Variants in FCHSD2 observed in about 807,000 individuals in gnomAD.
The protein encoded by FCHSD2 is F-BAR and double SH3 domains protein 2.
A neutral mutation model predicts 108.1 loss-of-function variants in FCHSD2; 38 were observed. That is an observed-to-expected ratio of 0.35 (90% CI 0.27 to 0.46). The LOEUF (loss-of-function observed/expected upper bound fraction) is 0.46. FCHSD2 is among the 20% of genes least tolerant of loss of function. FCHSD2 has a pLI of 1.00. For missense variants in FCHSD2, 751 were observed against 897.8 expected, an observed-to-expected ratio of 0.84 and a Z score of 2.09; for synonymous variants, 279 against 314.7, an observed-to-expected ratio of 0.89 and a Z score of 1.20.
At chr11:72,891,146 C>G (rs1027672228) in intron 10 of FCHSD2, among the ~76,000 whole-genome samples, 4 of 151,988 alleles carry the variant, frequency 2.6e-5, no homozygotes, top group African/African-American at 9.7e-5. Flanking sequence ...AGGAGTTCAA[C>G]ATCTTGAACT....
chr11:72,933,290 T>C (rs929780873), intron 8 of FCHSD2, among the ~76,000 whole-genome samples: 3 of 152,172 alleles, frequency 2.0e-5, no homozygotes, highest in Non-Finnish European at 4.4e-5. Context: ...CCCACCAAAG[T>C]TATTCTTCCT....
Position 72,849,790 on chromosome 11 carries a change from A to C in FCHSD2, c.1408T>G (p.Tyr470Asp), listed in dbSNP as rs1367276143. ...TAAACAACTTTGCAGGTGAGTGGAT[A>C]ATTTCTTAAGGTGCCAGAAGGGCTG... ...SSSPSGTLRN[Y>D]PLTCKVVYSY... The change falls in exon 14 of 20, where the codon TAT becomes GAT. Residue 470 changes from tyrosine to aspartate, a missense_variant. Physicochemically the swap from Tyr to Asp is radical, Grantham distance 160. Coordinates refer to ENST00000409418, the MANE Select transcript of FCHSD2 (RefSeq NM_014824.3). 1.9e-6 allele frequency: 3 copies of C among 1,612,790 alleles called. No homozygotes were observed. The highest frequency in any genetic ancestry group is 3.3e-5 in the Admixed American group (2 of 59,974).
At chr11:72,988,377 CTACT>C (rs968278832) in intron 6 of FCHSD2, among the ~76,000 whole-genome samples, 32 of 152,166 alleles carry the variant, frequency 2.1e-4, no homozygotes, top group African/African-American at 7.2e-4. Context: ...CCTTCTTTTC[CTACT>C]TATTCTTAAA....
intron 2 of FCHSD2, among the ~76,000 whole-genome samples, chr11:73,117,683 AT>A (rs1860636276): frequency 6.6e-6 from 1 of 152,110 alleles, no homozygotes; most frequent in East Asian, 1.9e-4. Context: ...TTATTGCAAA[AT>A]TTTTCAATCA....
At chr11:73,017,076 G>A (rs1857990005) in intron 3 of FCHSD2, among the ~76,000 whole-genome samples, 1 of 152,126 alleles carries the variant, frequency 6.6e-6, no homozygotes, top group Non-Finnish European at 1.5e-5. Context: ...TCAACTTCCT[G>A]GGCTCAAACA....
chr11:73,124,061 C>A (rs1860795952), intron 2 of FCHSD2, among the ~76,000 whole-genome samples: 1 of 152,162 alleles, frequency 6.6e-6, no homozygotes, highest in African/African-American at 2.4e-5. Flanking sequence ...ACATACACAC[C>A]ATGGAATACT....
intron 3 of FCHSD2, among the ~76,000 whole-genome samples, chr11:73,054,685 T>C (rs1011784843): frequency 2.0e-5 from 3 of 152,046 alleles, no homozygotes; most frequent in Admixed American, 2.0e-4. Context: ...TGTTATAATT[T>C]TTTTTTTCAG....
chr11:73,051,852 G>A (rs903765371), intron 3 of FCHSD2, among the ~76,000 whole-genome samples: 1 of 146,720 alleles, frequency 6.8e-6, no homozygotes, highest in Non-Finnish European at 1.5e-5. Flanking sequence ...CCTTCAGGAT[G>A]CTAACACGGT....
At chr11:73,129,077 T>C (rs1252549015) in intron 2 of FCHSD2, among the ~76,000 whole-genome samples, 3 of 151,766 alleles carry the variant, frequency 2.0e-5, no homozygotes, top group Admixed American at 1.3e-4. Flanking sequence ...TTCACCATGT[T>C]AGCCAGGATG....
chr11:73,083,799 C>G (rs1859753328), intron 2 of FCHSD2, 59 bp from the exon 3 acceptor site: 2 of 1,054,508 alleles, frequency 1.9e-6, no homozygotes, highest in Non-Finnish European at 1.4e-6. Context: ...TAATGTAAAT[C>G]TATCAACACA....
At position 72,979,187 on chromosome 11, in the gene FCHSD2, C is replaced by T. The variant is rs575900591; in HGVS notation, c.705+4901G>A. 5.3e-5 allele frequency among the ~76,000 whole-genome samples: 8 copies of T among 151,944 alleles called. No homozygotes were observed. In the East Asian group the frequency reaches 5.8e-4, roughly 11 times the overall value. On this transcript the variant is annotated intron_variant, in intron 8 of 19. Coordinates refer to ENST00000409418, the MANE Select transcript of FCHSD2 (RefSeq NM_014824.3). ...GTAGTTCTTTAAAGCAGTGTGAAAA[C>T]GAACTAATACAACAGGCAATAAAAA...
intron 8 of FCHSD2, among the ~76,000 whole-genome samples, chr11:72,971,526 G>C (rs1307504325): frequency 6.6e-6 from 1 of 152,096 alleles, no homozygotes; most frequent in African/African-American, 2.4e-5. Flanking sequence ...ACATGAACAG[G>C]ACTGGACACA....
intron 9 of FCHSD2, among the ~76,000 whole-genome samples, chr11:72,916,123 T>A (rs1433611096): frequency 1.3e-5 from 2 of 151,944 alleles, no homozygotes; most frequent in African/African-American, 2.4e-5. Flanking sequence ...CTAGGCTTAA[T>A]ACGTGGGTGA....
chr11:72,866,361 C>T (rs1423973924), intron 13 of FCHSD2, among the ~76,000 whole-genome samples: 4 of 152,102 alleles, frequency 2.6e-5, no homozygotes, highest in Admixed American at 6.6e-5. Flanking sequence ...CCTCTGCCTC[C>T]CGGGTTCAAG....
intron 2 of FCHSD2, among the ~76,000 whole-genome samples, chr11:73,113,521 A>C (rs372170666): frequency 5.3e-5 from 8 of 151,988 alleles, no homozygotes; most frequent in African/African-American, 1.9e-4. Context: ...AGCATGTGCC[A>C]CCACGCCCAG....
Position 72,867,751 on chromosome 11 carries a change from C to T in FCHSD2, c.1308+114G>A, listed in dbSNP as rs1022791370. 6.1e-6 allele frequency: 5 copies of T among 817,368 alleles called. No individual in the cohort carries two copies. The African/African-American group carries it at 6.9e-5, about 11-fold the overall frequency. The allele number at this position is 817,368 out of a possible 1,614,324, so 50.6% of individuals were successfully genotyped here. ...ATAGGCTGAAGAATAAAACCTAAAT[C>T]ACTAGCAAACTATTATCTTTTTAAA... On this transcript the variant is annotated intron_variant, in intron 13 of 19. Transcript: ENST00000409418.
Position 73,130,229 on chromosome 11 carries a change from A to G in FCHSD2, c.119+9802T>C, listed in dbSNP as rs1016050741. ...TGGCTAAAAAGACCAGGGGAAGGTAAAGTATACATAAAAATTATTCAATAC... is the reference window on the plus strand; with the variant it reads ...TGGCTAAAAAGACCAGGGGAAGGTAGAGTATACATAAAAATTATTCAATAC... On this transcript the variant is annotated intron_variant, in intron 2 of 19. Coordinates refer to ENST00000409418, the MANE Select transcript of FCHSD2 (RefSeq NM_014824.3). Among the ~76,000 whole-genome samples the G allele has an allele frequency of 3.9e-5, 6 of 152,010 alleles. No homozygotes were observed. The East Asian group carries it at 1.2e-3, about 29-fold the overall frequency.
intron 8 of FCHSD2, among the ~76,000 whole-genome samples, chr11:72,973,906 T>C (rs557232816): frequency 6.6e-6 from 1 of 152,338 alleles, no homozygotes; most frequent in South Asian, 2.1e-4. Flanking sequence ...GCCTATTTAT[T>C]ATCTGTCCCT....
chr11:72,917,893 A>T (rs1336529870), intron 9 of FCHSD2, among the ~76,000 whole-genome samples: 1 of 143,298 alleles, frequency 7.0e-6, no homozygotes, highest in East Asian at 2.0e-4. Context: ...GTCTCAAATT[A>T]AAAAAAAAAA....
Sources: allele counts gnomAD v4.1 joint callset (sites outside exome capture counted in the v4.1 genomes callset), GRCh38; gene constraint gnomAD v4.1.1; transcripts MANE v1.5; gene names NCBI Gene and HGNC (gene_info 2026-07-23, HGNC 2026-07-21).